PCBP3: variants seen among roughly 807,000 people sequenced by gnomAD.
PCBP3 encodes poly(rC)-binding protein 3.
In PCBP3, 25 loss-of-function variants were observed where a neutral mutation model predicts 52.7. The observed-to-expected ratio is 0.47, with a 90% CI of 0.35 to 0.66. The LOEUF (loss-of-function observed/expected upper bound fraction) is 0.66, where lower values mean the gene tolerates loss of function less well. Among genes scored for constraint, PCBP3 ranks in the 30% least tolerant of loss-of-function variants. The probability of loss-of-function intolerance (pLI) is 0.01; values close to 1 mark genes in which losing one functional copy is unlikely to be tolerated. For missense variants in PCBP3, 391 were observed against 490.3 expected (o/e 0.80, Z 1.91); for synonymous variants, 162 against 183.0 (o/e 0.89, Z 0.93).
chr21:45,817,154 T>A lies in PCBP3; in HGVS notation c.-125-32807T>A, dbSNP rs187210747. Among the ~76,000 whole-genome samples, 206 of 152,338 alleles carry A rather than the reference T, an allele frequency of 1.4e-3. No homozygotes were observed. Among genetic ancestry groups the A allele is most frequent in the Middle Eastern group, 3.4e-3 (1 of 294 alleles). ...GTTTTTATTTCTGCAGGCATCTAATTTACCGAAACTTCATGTCATGGCTCG... is the reference window on the plus strand; with the variant it reads ...GTTTTTATTTCTGCAGGCATCTAATATACCGAAACTTCATGTCATGGCTCG... On this transcript the variant is annotated intron_variant, in intron 4 of 17. Transcript: ENST00000681687. The surrounding 1 kb of genome is among the most constrained non-coding windows in gnomAD (Gnocchi z 4.3).
At chr21:45,922,649 A>G (rs1038568368) in intron 13 of PCBP3, among the ~76,000 whole-genome samples, 1 of 152,254 alleles carries the variant, frequency 6.6e-6, no homozygotes, top group Non-Finnish European at 1.5e-5. Flanking sequence ...CATCATTTAA[A>G]GGGGATGTTG....
intron 5 of PCBP3, among the ~76,000 whole-genome samples, chr21:45,895,795 G>T (rs9975891): frequency 6.6e-6 from 1 of 152,242 alleles, no homozygotes; most frequent in African/African-American, 2.4e-5. Context: ...CTGGCACCCC[G>T]TGACTGTGTG....
At chr21:45,783,609 C>T (rs183901566) in intron 4 of PCBP3, among the ~76,000 whole-genome samples, 4 of 152,196 alleles carry the variant, frequency 2.6e-5, no homozygotes, top group African/African-American at 9.6e-5. Context: ...AGGGTGAGGA[C>T]GGGATTTTAA....
chr21:45,931,467 C>T (rs891555889), intron 15 of PCBP3, among the ~76,000 whole-genome samples: 4 of 152,244 alleles, frequency 2.6e-5, no homozygotes, highest in African/African-American at 9.6e-5. Flanking sequence ...ATGCCAGCCA[C>T]AGCAGGGTTA....
intron 13 of PCBP3, among the ~76,000 whole-genome samples, chr21:45,923,935 G>T (rs1481375031): frequency 1.7e-5 from 1 of 60,286 alleles, no homozygotes; most frequent in South Asian, 4.6e-4. Flanking sequence ...AACAGCACAC[G>T]TAAGATCAGG....
rs1447932718 is a variant in PCBP3 at position 45,673,555 on chromosome 21, G to A, written c.-200+4603G>A. The A allele has an allele frequency of 2.0e-5, 3 of 152,220 alleles. No homozygotes were observed. In the East Asian group the frequency reaches 5.8e-4, roughly 29 times the overall value. 9.4% of individuals were successfully genotyped at this position (152,220 alleles called of 1,614,324 possible). A position where few individuals can be genotyped will look rare whatever the true frequency, so the allele number is the denominator to read the frequency against. ...CTGTAGTATCCTACAAGAAGTGCCTGGGCCTTCTTGCTTTGAATCTTTTTC... is the reference window on the plus strand; with the variant it reads ...CTGTAGTATCCTACAAGAAGTGCCTAGGCCTTCTTGCTTTGAATCTTTTTC... On this transcript the variant is annotated intron_variant, in intron 2 of 17. Coordinates refer to ENST00000681687, the MANE Select transcript of PCBP3 (RefSeq NM_001384156.1).
intron 5 of PCBP3, among the ~76,000 whole-genome samples, chr21:45,861,850 C>T (rs187136186): frequency 9.2e-5 from 14 of 152,288 alleles, no homozygotes; most frequent in African/African-American, 3.4e-4. Flanking sequence ...TCCGTTTCTG[C>T]TGCTAGAACA....
chr21:45,787,185 A>T (rs571852309), intron 4 of PCBP3, among the ~76,000 whole-genome samples: 1 of 152,292 alleles, frequency 6.6e-6, no homozygotes, highest in South Asian at 2.1e-4. Flanking sequence ...TGTGTTCATA[A>T]TCAGTGCCTG....
At chr21:45,884,205 G>T (rs1261661912) in intron 5 of PCBP3, among the ~76,000 whole-genome samples, 1 of 151,964 alleles carries the variant, frequency 6.6e-6, no homozygotes, top group Non-Finnish European at 1.5e-5. Flanking sequence ...CAAAGTGCTG[G>T]GATTACAGGC....
At position 45,805,315 on chromosome 21, in the gene PCBP3, G is replaced by A. The variant is rs538750117; in HGVS notation, c.-125-44646G>A. On this transcript the variant is annotated intron_variant, in intron 4 of 17. Coordinates refer to ENST00000681687, the MANE Select transcript of PCBP3 (RefSeq NM_001384156.1). The surrounding 1 kb of genome is among the most constrained non-coding windows in gnomAD (Gnocchi z 4.6). ...GGGAGCTGAAAACCCCCCAGGTGGT[G>A]TCTGGGGGGGAAAGTAATTGGAAGA... 2.0e-5 allele frequency among the ~76,000 whole-genome samples: 3 copies of A among 152,198 alleles called. No individual in the cohort carries two copies. The highest frequency in any genetic ancestry group is 4.4e-5 in the Non-Finnish European group (3 of 67,992).
Position 45,798,022 on chromosome 21 carries a change from G to A in PCBP3, c.-126+42570G>A, listed in dbSNP as rs1035218777. 7.6e-5 allele frequency among the ~76,000 whole-genome samples: 11 copies of A among 144,352 alleles called. No homozygotes were observed. In the East Asian group the frequency reaches 8.6e-4, roughly 11 times the overall value. 94.7% of individuals were successfully genotyped at this position (144,352 alleles called of 152,430 possible). A position where few individuals can be genotyped will look rare whatever the true frequency, so the allele number is the denominator to read the frequency against. The stretch of plus-strand genomic sequence containing the variant: ...ATCTGTAGAGAGAGTGAATGGATGC[G>A]TACATGGATGAATGCATGGATCCGT... On this transcript the variant is annotated intron_variant, in intron 4 of 17. Coordinates refer to ENST00000681687, the MANE Select transcript of PCBP3 (RefSeq NM_001384156.1).
intron 4 of PCBP3, among the ~76,000 whole-genome samples, chr21:45,759,497 T>A (rs1231010131): frequency 6.6e-6 from 1 of 152,258 alleles, no homozygotes; most frequent in Non-Finnish European, 1.5e-5. Flanking sequence ...TTACATTATG[T>A]CAGACGTTCT....
intron 2 of PCBP3, among the ~76,000 whole-genome samples, chr21:45,699,234 A>C (rs1261652688): frequency 6.6e-6 from 1 of 152,240 alleles, no homozygotes; most frequent in African/African-American, 2.4e-5. Context: ...GGGCTCTCCC[A>C]AGTGACCTAG....
In PCBP3 at chr21:45,821,177, C is replaced by T. The variant is rs8133782; in HGVS notation, c.-125-28784C>T. Among the ~76,000 whole-genome samples the T allele has an allele frequency of 0.013, 2,007 of 152,144 alleles. 42 individuals are homozygous for T. The highest frequency in any genetic ancestry group is 0.045 in the African/African-American group (1,857 of 41,498). On this transcript the variant is annotated intron_variant, in intron 4 of 17. Transcript: ENST00000681687. The surrounding 1 kb of genome is among the most constrained non-coding windows in gnomAD (Gnocchi z 4.4). ...CTTGACCTGCTCCCCCTTCCCGGTT[C>T]CCACTTTTTGCCTGGCAGGCTGGGA...
At chr21:45,694,125 C>T (rs1188685632) in intron 2 of PCBP3, among the ~76,000 whole-genome samples, 1 of 151,774 alleles carries the variant, frequency 6.6e-6, no homozygotes, top group East Asian at 1.9e-4. Flanking sequence ...CTCATTATTC[C>T]AAACGAAGAT....
At chr21:45,644,291 G>T (rs1257984056) in intron 1 of PCBP3, among the ~76,000 whole-genome samples, 1 of 151,694 alleles carries the variant, frequency 6.6e-6, no homozygotes, top group Non-Finnish European at 1.5e-5. Flanking sequence ...GGAGGGCGGC[G>T]GGGCGGGGCG....
chr21:45,715,203 A>G (rs71324442), intron 2 of PCBP3, among the ~76,000 whole-genome samples: 7,846 of 152,276 alleles, frequency 0.052, 280 homozygotes, highest in Non-Finnish European at 0.081. Flanking sequence ...TCTAGATTAT[A>G]TGGTTTCCTT....
At chr21:45,934,337 G>A (rs916068587) in intron 15 of PCBP3, among the ~76,000 whole-genome samples, 1 of 152,066 alleles carries the variant, frequency 6.6e-6, no homozygotes, top group Non-Finnish European at 1.5e-5. Flanking sequence ...ACGAAGAGCA[G>A]AGCAGCCTCT....
rs577078628 is a variant in PCBP3 at position 45,931,285 on chromosome 21, T to C, written c.856+440T>C. ...AGGCCATGAAACAGACACAGTTGTT[T>C]GCCTGGGGCTTAGCAGGTTCCTAGG... On this transcript the variant is annotated intron_variant, in intron 15 of 17. Coordinates refer to ENST00000681687, the MANE Select transcript of PCBP3 (RefSeq NM_001384156.1). Among the ~76,000 whole-genome samples, 7 of 152,364 alleles carry C rather than the reference T, an allele frequency of 4.6e-5. No homozygotes were observed. In the East Asian group the frequency reaches 1.3e-3, roughly 29 times the overall value.
Sources: gnomAD v4.1 joint callset for allele counts (sites outside exome capture counted in the v4.1 genomes callset) on GRCh38, gnomAD v4.1.1 for gene constraint, Gnocchi (gnomAD v3.1) non-coding constraint, MANE v1.5 for transcripts, NCBI Gene and HGNC (gene_info 2026-07-23, HGNC 2026-07-21) for gene names.